UTP15: variants seen among roughly 807,000 people sequenced by gnomAD.
UTP15 encodes U3 small nucleolar RNA-associated protein 15 homolog.
In UTP15, 5 loss-of-function variants were observed where a neutral mutation model predicts 59.1. The ratio of observed to expected loss-of-function variants is 0.08; its 90% CI spans 0.04 to 0.18. The LOEUF (loss-of-function observed/expected upper bound fraction) is 0.18, where lower values mean the gene tolerates loss of function less well. Ranked by LOEUF, UTP15 falls within the 10% of genes least tolerant of loss-of-function variation. UTP15 has a pLI of 1.00. For missense variants in UTP15, 494 were observed against 616.7 expected (o/e 0.80, Z 2.11); for synonymous variants, 211 against 212.2 (o/e 0.99, Z 0.05).
intron 6 of UTP15, among the ~76,000 whole-genome samples, chr5:73,571,659 G>A (rs1747935220): frequency 6.6e-6 from 1 of 151,762 alleles, no homozygotes; most frequent in African/African-American, 2.4e-5. Context: ...GTTGAGGCGG[G>A]ATGTGGTTGC....
intron 4 of UTP15, 70 bp from the exon 5 acceptor site, chr5:73,569,427 C>A (rs1196537309): frequency 5.8e-6 from 7 of 1,199,118 alleles, no homozygotes; most frequent in Non-Finnish European, 2.3e-6. Flanking sequence ...GAAAAAGGAG[C>A]ATTTTATGTT....
At chr5:73,578,565 C>A in intron 9 of UTP15, 186 bp from the exon 10 acceptor site, 2 of 445,138 alleles carry the variant, frequency 4.5e-6, no homozygotes, top group South Asian at 3.4e-5. Flanking sequence ...CAAGTTACTC[C>A]TTTTTTTTTT....
At position 73,577,912 on chromosome 5, in the gene UTP15, T is replaced by G. The variant is rs969339539; in HGVS notation, c.951T>G (p.His317Gln). Residue 317 changes from histidine to glutamine, a missense_variant, in exon 9 of 13, where the codon CAT becomes CAG. Coordinates refer to ENST00000296792, the MANE Select transcript of UTP15 (RefSeq NM_032175.4). ...GMTNGILSVK[H>Q]RKSEAKKESL... ...CCAATGGAATACTGAGTGTTAAACA[T>G]CGGAAATCTGAAGCAAAGAAGGAAT... 4 of 1,592,184 alleles carry G rather than the reference T, an allele frequency of 2.5e-6. No individual in the cohort carries two copies. In the African/African-American group the frequency reaches 5.5e-5, roughly 22 times the overall value.
chr5:73,577,717 G>A, intron 8 of UTP15, 139 bp from the exon 9 acceptor site: 2 of 698,668 alleles, frequency 2.9e-6, no homozygotes, highest in Non-Finnish European at 4.6e-6. Flanking sequence ...ATCATCGTTA[G>A]GCAGACTATG....
Position 73,567,253 on chromosome 5 carries a change from A to G in UTP15, c.-83-9A>G. The G allele has an allele frequency of 1.4e-6, 1 of 736,554 alleles. No homozygotes were observed. Among genetic ancestry groups the G allele is most frequent in the Admixed American group, 2.9e-5 (1 of 34,716 alleles). 45.6% of individuals were successfully genotyped at this position (736,554 alleles called of 1,614,324 possible). ...TTATAATATGTATATAAAATATTTT[A>G]TTTTTCAGAATTAAGGCAGAGTCAC... On this transcript the variant is annotated splice_polypyrimidine_tract_variant and intron_variant, in intron 1 of 12. Transcript: ENST00000296792.
intron 5 of UTP15, among the ~76,000 whole-genome samples, chr5:73,570,191 T>C (rs551193772): frequency 1.7e-4 from 26 of 152,296 alleles, no homozygotes; most frequent in African/African-American, 6.0e-4. Flanking sequence ...GTCTTCCAAA[T>C]GTGTTTGGAA....
intron 9 of UTP15, chr5:73,578,398 A>G (rs1256471029): frequency 1.1e-5 from 3 of 284,366 alleles, no homozygotes; most frequent in African/African-American, 2.3e-5. Context: ...TTGAGACTAG[A>G]TCTCATTATC....
intron 11 of UTP15, 79 bp from the exon 12 acceptor site, chr5:73,579,238 G>T: frequency 6.3e-7 from 1 of 1,596,964 alleles, no homozygotes; most frequent in Non-Finnish European, 8.5e-7. Context: ...TCTTTGTAGA[G>T]AACTGATGAA....
rs569057979 is a variant in UTP15, at chr5:73,566,454, C to G, written c.-84+542C>G. Among the ~76,000 whole-genome samples, 6 of 152,266 alleles carry G rather than the reference C, an allele frequency of 3.9e-5. No homozygotes were observed. The South Asian group carries it at 1.0e-3, about 26-fold the overall frequency. On this transcript the variant is annotated intron_variant, in intron 1 of 12. Transcript: ENST00000296792. ...TACTTTAATGAACAGAAGAGTGTTC[C>G]CAAAGACCAGTGAAATACAATCATT...
Position 73,580,345 on chromosome 5 carries a change from T to G in UTP15, c.*251T>G, listed in dbSNP as rs1748263647. On this transcript the variant is annotated 3_prime_UTR_variant, in exon 13 of 13. Transcript: ENST00000296792. ...TTGTCTTAGTCACAGAGTAGGTTTA[T>G]CTGGGATGGATATTAATTTTAATAC... The G allele has an allele frequency of 2.9e-6, 1 of 350,472 alleles. No individual in the cohort carries two copies. 21.7% of individuals were successfully genotyped at this position (350,472 alleles called of 1,614,324 possible).
chr5:73,573,679 C>T (rs1379010254), intron 7 of UTP15, among the ~76,000 whole-genome samples: 2 of 150,398 alleles, frequency 1.3e-5, no homozygotes, highest in Non-Finnish European at 2.9e-5. Context: ...CGGGTTCAAG[C>T]GATTCTGCCT....
At position 73,581,247 on chromosome 5, in the gene UTP15, G is replaced by T. The variant is rs1298926754; in HGVS notation, c.*1153G>T. The T allele has an allele frequency of 6.6e-6, 1 of 151,822 alleles. No homozygotes were observed. Among genetic ancestry groups the T allele is most frequent in the Non-Finnish European group, 1.5e-5 (1 of 68,000 alleles). 9.4% of individuals were successfully genotyped at this position (151,822 alleles called of 1,614,324 possible). On this transcript the variant is annotated 3_prime_UTR_variant, in exon 13 of 13. Transcript: ENST00000296792. ...TTTTTGTAGTTTTAGTAGAGACGGG[G>T]TTTCACCTTACCGGGCTGGTCTAAA...
At position 73,580,583 on chromosome 5, in the gene UTP15, C is replaced by A; in HGVS notation, c.*489C>A. 5 of 152,966 alleles carry A rather than the reference C, an allele frequency of 3.3e-5. No homozygotes were observed. Among genetic ancestry groups the A allele is most frequent in the South Asian group, 2.1e-4 (1 of 4,834 alleles). 9.5% of individuals were successfully genotyped at this position (152,966 alleles called of 1,614,324 possible). A position where few individuals can be genotyped will look rare whatever the true frequency, so the allele number is the denominator to read the frequency against. ...TTCTAGGCCCTTGCTTAGCTTGCTT[C>A]CTGTCTCCTTGATATCTACACTTGT... On this transcript the variant is annotated 3_prime_UTR_variant, in exon 13 of 13. Coordinates refer to ENST00000296792, the MANE Select transcript of UTP15 (RefSeq NM_032175.4).
chr5:73,570,734 A>T lies in UTP15; in HGVS notation c.673+23A>T, dbSNP rs566284126. 21 of 1,607,952 alleles carry T rather than the reference A, an allele frequency of 1.3e-5. No homozygotes were observed. In the East Asian group the frequency reaches 2.0e-4, roughly 15 times the overall value. On this transcript the variant is annotated intron_variant, in intron 6 of 12. Coordinates refer to ENST00000296792, the MANE Select transcript of UTP15 (RefSeq NM_032175.4). The stretch of plus-strand genomic sequence containing the variant: ...CAGGTACTTCTTAAAAATAGCTTTC[A>T]CCAATATTGTTGGTTTTGAATCACG...
Position 73,565,757 on chromosome 5 carries a change from C to T in UTP15, c.-239C>T. 1 of 456,226 alleles carries T rather than the reference C, an allele frequency of 2.2e-6. No homozygotes were observed. Among genetic ancestry groups the T allele is most frequent in the Non-Finnish European group, 4.4e-6 (1 of 226,944 alleles). The allele number at this position is 456,226 out of a possible 1,614,324, so 28.3% of individuals were successfully genotyped here. The stretch of plus-strand genomic sequence containing the variant: ...CGTGCTCTGGTACGTCATCTTCGCG[C>T]GACGTTCGGTTCGCTGTGTGTGTCG... On this transcript the variant is annotated 5_prime_UTR_variant, in exon 1 of 13. Coordinates refer to ENST00000296792, the MANE Select transcript of UTP15 (RefSeq NM_032175.4).
chr5:73,574,392 A>G (rs1748027883), intron 7 of UTP15, among the ~76,000 whole-genome samples: 1 of 152,088 alleles, frequency 6.6e-6, no homozygotes, highest in Non-Finnish European at 1.5e-5. Context: ...AAAATAAAAA[A>G]TTTAGTTTCT....
At chr5:73,578,078 A>C in intron 9 of UTP15, 73 bp downstream of exon 9, 1 of 1,487,244 alleles carries the variant, frequency 6.7e-7, no homozygotes, top group Non-Finnish European at 9.1e-7. Context: ...CCTGCACATT[A>C]CTGGAAAGCG....
chr5:73,577,204 T>G (rs1281813359), intron 8 of UTP15, among the ~76,000 whole-genome samples, 168 bp downstream of exon 8: 2 of 152,244 alleles, frequency 1.3e-5, no homozygotes, highest in African/African-American at 2.4e-5. Context: ...TGACTCAGCA[T>G]GAATTCAGAT....
At position 73,567,324 on chromosome 5, in the gene UTP15, A is replaced by G. The variant is rs780628325; in HGVS notation, c.-21A>G. The stretch of plus-strand genomic sequence containing the variant: ...ATTCCAAAATAGTGACTCTTGGACA[A>G]TAGTGCAATTATATGGAATTATGGC... On this transcript the variant is annotated 5_prime_UTR_variant, in exon 2 of 13. Transcript: ENST00000296792. 5 of 1,550,146 alleles carry G rather than the reference A, an allele frequency of 3.2e-6. No individual in the cohort carries two copies. The highest frequency in any genetic ancestry group is 4.4e-6 in the Non-Finnish European group (5 of 1,138,852).
Sources: gnomAD v4.1 joint callset for allele counts (sites outside exome capture counted in the v4.1 genomes callset) on GRCh38, gnomAD v4.1.1 for gene constraint, MANE v1.5 for transcripts, NCBI Gene and HGNC (gene_info 2026-07-23, HGNC 2026-07-21) for gene names.